The following ENTPD1 variants were observed in gnomAD, a reference collection of about 807,000 sequenced individuals.
ENTPD1 encodes the protein ATP diphosphohydrolase.
Under a neutral mutation model 57.0 loss-of-function variants are expected in ENTPD1, and 33 were observed. That is an observed-to-expected ratio of 0.58 (90% CI 0.44 to 0.77). The LOEUF (loss-of-function observed/expected upper bound fraction) is 0.77. ENTPD1 is among the 30% of genes least tolerant of loss of function. ENTPD1 has a pLI of 0.00. For missense variants in ENTPD1, 501 were observed against 603.4 expected, an observed-to-expected ratio of 0.83 and a Z score of 1.78; for synonymous variants, 202 against 218.8, an observed-to-expected ratio of 0.92 and a Z score of 0.68.
chr10:95,800,168 G>A (rs893961234), intron 1 of ENTPD1, among the ~76,000 whole-genome samples: 7 of 152,090 alleles, frequency 4.6e-5, no homozygotes, highest in Admixed American at 4.6e-4. Flanking sequence ...TTTTCCCTAA[G>A]TGTTGGCCGG....
chr10:95,852,770 G>A (rs2098447681), intron 7 of ENTPD1, among the ~76,000 whole-genome samples: 1 of 152,130 alleles, frequency 6.6e-6, no homozygotes, highest in African/African-American at 2.4e-5. Flanking sequence ...TGAGGGCTCT[G>A]TTCTGTTCCA....
chr10:95,721,562 T>C (rs1162451465), intron 1 of ENTPD1, among the ~76,000 whole-genome samples: 1 of 152,216 alleles, frequency 6.6e-6, no homozygotes, highest in East Asian at 1.9e-4. Flanking sequence ...TTTGAGAATT[T>C]ACCTAGGTCT....
intron 1 of ENTPD1, among the ~76,000 whole-genome samples, chr10:95,798,906 C>A (rs1174639144): frequency 6.6e-6 from 1 of 152,214 alleles, no homozygotes; most frequent in Non-Finnish European, 1.5e-5. Context: ...TTCTGTGAAT[C>A]TGAGCAAATA....
At chr10:95,788,837 A>G (rs1448721138) in intron 1 of ENTPD1, among the ~76,000 whole-genome samples, 2 of 152,188 alleles carry the variant, frequency 1.3e-5, no homozygotes, top group Non-Finnish European at 2.9e-5. Flanking sequence ...TATGGTAACT[A>G]TGGCTTTTAT....
At chr10:95,771,460 G>T (rs1248835203) in intron 1 of ENTPD1, among the ~76,000 whole-genome samples, 3 of 152,188 alleles carry the variant, frequency 2.0e-5, no homozygotes, top group Non-Finnish European at 2.9e-5. Flanking sequence ...GTCCTGAGGT[G>T]GGAAGGAATG....
At chr10:95,760,151 A>T (rs770872886) in intron 1 of ENTPD1, among the ~76,000 whole-genome samples, 6 of 152,188 alleles carry the variant, frequency 3.9e-5, no homozygotes, top group Non-Finnish European at 2.9e-5. Context: ...GGGCAACATG[A>T]TGAGACTTTG....
chr10:95,740,850 C>A (rs1438873061), intron 1 of ENTPD1, among the ~76,000 whole-genome samples: 2 of 152,190 alleles, frequency 1.3e-5, no homozygotes, highest in African/African-American at 4.8e-5. Context: ...TTTTCTTCTG[C>A]AGCTTTCTTA....
At chr10:95,701,364 A>G in the ENTPD1 span, among the ~76,000 whole-genome samples, 1 of 152,246 alleles carries the variant, frequency 6.6e-6, no homozygotes, top group South Asian at 2.1e-4. Flanking sequence ...TCATCTTTAT[A>G]AAAGTTACAG....
At chr10:95,700,525 A>G in the ENTPD1 span, among the ~76,000 whole-genome samples, 2 of 152,034 alleles carry the variant, frequency 1.3e-5, no homozygotes, top group Non-Finnish European at 2.9e-5. Context: ...CGTTCCTACA[A>G]GAAATGAAAA....
intron 2 of ENTPD1, among the ~76,000 whole-genome samples, chr10:95,833,198 T>C (rs868801622): frequency 5.9e-5 from 9 of 152,228 alleles, no homozygotes; most frequent in African/African-American, 1.9e-4. Context: ...CATCTGCAGA[T>C]AGATGGTGTT....
intron 1 of ENTPD1, among the ~76,000 whole-genome samples, chr10:95,733,464 T>C (rs2139855678): frequency 6.6e-6 from 1 of 152,262 alleles, no homozygotes; most frequent in East Asian, 1.9e-4. Context: ...GATTAAGAGA[T>C]TAAAGACAGG....
rs974413744 is a variant in ENTPD1 at position 95,868,798 on chromosome 10, A to G, written c.*2415A>G. ...TCACAAGTCTCCTTCAGAGAACACA[A>G]ATCTTTTCTTATTCCATTCCTGTTT... On this transcript the variant is annotated 3_prime_UTR_variant, in exon 10 of 10. Coordinates refer to ENST00000371205, the MANE Select transcript of ENTPD1 (RefSeq NM_001776.6). 1.0e-6 allele frequency: 1 copy of G among 985,194 alleles called. No individual in the cohort carries two copies. Among genetic ancestry groups the G allele is most frequent in the African/African-American group, 1.7e-5 (1 of 57,176 alleles). 61.0% of individuals were successfully genotyped at this position (985,194 alleles called of 1,614,324 possible). A position where few individuals can be genotyped will look rare whatever the true frequency, so the allele number is the denominator to read the frequency against.
intron 1 of ENTPD1, among the ~76,000 whole-genome samples, chr10:95,759,190 G>A (rs753672092): frequency 2.0e-5 from 3 of 152,222 alleles, no homozygotes; most frequent in Non-Finnish European, 2.9e-5. Context: ...GGACCTTTGA[G>A]TTTGCAGTAG....
At chr10:95,833,186 A>G (rs2098401385) in intron 2 of ENTPD1, among the ~76,000 whole-genome samples, 1 of 152,256 alleles carries the variant, frequency 6.6e-6, no homozygotes, top group Non-Finnish European at 1.5e-5. Flanking sequence ...TTTAGAAAAC[A>G]ACATCTGCAG....
Position 95,869,438 on chromosome 10 carries a change from C to A in ENTPD1, c.*3055C>A. 1 of 712,918 alleles carries A rather than the reference C, an allele frequency of 1.4e-6. No homozygotes were observed. Among genetic ancestry groups the A allele is most frequent in the Non-Finnish European group, 1.7e-6 (1 of 581,768 alleles). 44.2% of individuals were successfully genotyped at this position (712,918 alleles called of 1,614,324 possible). A position where few individuals can be genotyped will look rare whatever the true frequency, so the allele number is the denominator to read the frequency against. Reference sequence around the variant, plus strand: ...CTAATTTTTGTATTTTTAGTAAAGACAGGGTTTCACCATGTTGGCCAGGCT... The same window carrying A: ...CTAATTTTTGTATTTTTAGTAAAGAAAGGGTTTCACCATGTTGGCCAGGCT... On this transcript the variant is annotated 3_prime_UTR_variant, in exon 10 of 10. Coordinates refer to ENST00000371205, the MANE Select transcript of ENTPD1 (RefSeq NM_001776.6).
At chr10:95,851,606 T>A (rs1402602826) in intron 7 of ENTPD1, among the ~76,000 whole-genome samples, 2 of 118,758 alleles carry the variant, frequency 1.7e-5, no homozygotes, top group Non-Finnish European at 3.3e-5. Flanking sequence ...CAGTCCCCGG[T>A]GTGTGATGTT....
At chr10:95,800,192 G>A (rs1012240407) in intron 1 of ENTPD1, among the ~76,000 whole-genome samples, 2 of 152,226 alleles carry the variant, frequency 1.3e-5, no homozygotes, top group African/African-American at 2.4e-5. Flanking sequence ...GAGAAATAAA[G>A]AGAAAGAGTA....
At position 95,866,243 on chromosome 10, in the gene ENTPD1, G is replaced by A; in HGVS notation, c.1393G>A (p.Glu465Lys). The change falls in exon 10 of 10, where the codon GAG (glutamate) becomes AAG (lysine). Residue 465 changes from glutamate (E) to lysine (K), a missense_variant. Glu to Lys is a moderately conservative substitution (Grantham distance 56). Coordinates refer to ENST00000371205, the MANE Select transcript of ENTPD1 (RefSeq NM_001776.6). Reference protein sequence around the residue: ...MLNLTNMIPAEQPLSTPLSHS... With the variant: ...MLNLTNMIPAKQPLSTPLSHS... ...GAACCTGACCAACATGATCCCAGCTGAGCAACCATTGTCCACACCTCTCTC... is the reference window on the plus strand; with the variant it reads ...GAACCTGACCAACATGATCCCAGCTAAGCAACCATTGTCCACACCTCTCTC... 2 of 1,614,100 alleles carry A rather than the reference G, an allele frequency of 1.2e-6. No homozygotes were observed. The highest frequency in any genetic ancestry group is 1.7e-6 in the Non-Finnish European group (2 of 1,180,020).
chr10:95,766,588 T>C (rs2098089246), intron 1 of ENTPD1, among the ~76,000 whole-genome samples: 1 of 152,222 alleles, frequency 6.6e-6, no homozygotes, highest in South Asian at 2.1e-4. Flanking sequence ...GAAATAACTC[T>C]TTTTATCTAC....
Sources: gnomAD v4.1 joint callset for allele counts (sites outside exome capture counted in the v4.1 genomes callset) on GRCh38, gnomAD v4.1.1 for gene constraint, MANE v1.5 for transcripts, NCBI Gene and HGNC (gene_info 2026-07-23, HGNC 2026-07-21) for gene names.